The following TRDN variants were observed in gnomAD, a reference collection of about 807,000 sequenced individuals.
TRDN encodes triadin in skeletal muscle.
A neutral mutation model predicts 149.7 loss-of-function variants in TRDN; 161 were observed. The observed-to-expected ratio is 1.08, with a 90% CI of 0.95 to 1.23. The LOEUF (loss-of-function observed/expected upper bound fraction) is 1.23. Ranked by LOEUF, TRDN falls within the 50% of genes most tolerant of loss-of-function variation. TRDN has a pLI of 0.00. For synonymous variants in TRDN, 294 were observed against 250.5 expected, an observed-to-expected ratio of 1.17 and a Z score of -1.64; for missense variants, 896 against 823.5, an observed-to-expected ratio of 1.09 and a Z score of -1.08.
intron 38 of TRDN, among the ~76,000 whole-genome samples, chr6:123,233,932 C>T (rs1470790572): frequency 1.3e-5 from 2 of 151,928 alleles, no homozygotes; most frequent in African/African-American, 4.8e-5. Flanking sequence ...CTTATAGTTA[C>T]CAATTAATAA....
chr6:123,631,215 T>G (rs1386468567), intron 1 of TRDN, among the ~76,000 whole-genome samples: 1 of 151,892 alleles, frequency 6.6e-6, no homozygotes, highest in Non-Finnish European at 1.5e-5. Context: ...ATACCTGCCT[T>G]TCACAGTTTT....
At chr6:123,509,246 T>C (rs1779061612) in intron 7 of TRDN, among the ~76,000 whole-genome samples, 1 of 152,006 alleles carries the variant, frequency 6.6e-6, no homozygotes. Context: ...AAAGTATTTA[T>C]GGCAAGCAGA....
At chr6:123,386,304 T>C (rs1347848827) in intron 14 of TRDN, among the ~76,000 whole-genome samples, 2 of 152,006 alleles carry the variant, frequency 1.3e-5, no homozygotes, top group African/African-American at 4.8e-5. Context: ...GACAGGAAAA[T>C]GTATGAATGT....
chr6:123,506,360 G>A (rs186801186), intron 7 of TRDN, among the ~76,000 whole-genome samples: 1 of 152,014 alleles, frequency 6.6e-6, no homozygotes, highest in Admixed American at 6.5e-5. Context: ...TCCTCTACTG[G>A]ACTGCTTTCT....
intron 38 of TRDN, among the ~76,000 whole-genome samples, chr6:123,230,977 T>A (rs924052177): frequency 2.0e-5 from 3 of 152,006 alleles, no homozygotes; most frequent in Non-Finnish European, 4.4e-5. Flanking sequence ...AATACCCTTA[T>A]GAATTATGGG....
intron 29 of TRDN, among the ~76,000 whole-genome samples, chr6:123,271,437 T>C (rs1456125498): frequency 1.3e-5 from 2 of 151,940 alleles, no homozygotes; most frequent in Non-Finnish European, 2.9e-5. Context: ...AACATGCCAA[T>C]ATGAGCCCTA....
intron 38 of TRDN, among the ~76,000 whole-genome samples, chr6:123,224,736 T>C (rs4243489): frequency 0.48 from 72,472 of 151,510 alleles, 17,621 homozygotes; most frequent in Admixed American, 0.57. Flanking sequence ...ACCTTTATCT[T>C]CCACCACCCC....
At chr6:123,332,355 G>A (rs1779692066) in intron 22 of TRDN, among the ~76,000 whole-genome samples, 1 of 151,976 alleles carries the variant, frequency 6.6e-6, no homozygotes, top group African/African-American at 2.4e-5. Flanking sequence ...CACATATCAT[G>A]TATGTAGCGG....
At chr6:123,404,986 G>T (rs1773136702) in intron 12 of TRDN, among the ~76,000 whole-genome samples, 1 of 152,120 alleles carries the variant, frequency 6.6e-6, no homozygotes, top group African/African-American at 2.4e-5. Context: ...TATTTAGCTG[G>T]CAGCCTAGTG....
intron 12 of TRDN, among the ~76,000 whole-genome samples, chr6:123,415,164 A>G (rs1390376903): frequency 6.6e-6 from 1 of 152,218 alleles, no homozygotes. Context: ...CAAATAAGGA[A>G]TTCAACTAAA....
chr6:123,517,827 C>T (rs1442662093), intron 5 of TRDN, among the ~76,000 whole-genome samples: 1 of 152,062 alleles, frequency 6.6e-6, no homozygotes, highest in Non-Finnish European at 1.5e-5. Context: ...TCTATTTATT[C>T]CATTCACCAA....
At chr6:123,403,047 A>G (rs550658389) in intron 12 of TRDN, among the ~76,000 whole-genome samples, 2 of 152,342 alleles carry the variant, frequency 1.3e-5, no homozygotes, top group Non-Finnish European at 1.5e-5. Context: ...AGTCATGCAC[A>G]TCGAAGTGTA....
At chr6:123,590,216 G>A (rs192608581) in intron 1 of TRDN, among the ~76,000 whole-genome samples, 11 of 152,194 alleles carry the variant, frequency 7.2e-5, no homozygotes, top group South Asian at 4.1e-4. Flanking sequence ...TTGCATTACC[G>A]CCTGAGCTCC....
Position 123,333,754 on chromosome 6 carries a change from G to C in TRDN, c.1421-1825C>G, listed in dbSNP as rs1038540267. Among the ~76,000 whole-genome samples, 5 of 152,184 alleles carry C rather than the reference G, an allele frequency of 3.3e-5. No individual in the cohort carries two copies. In the East Asian group the frequency reaches 9.7e-4, roughly 29 times the overall value. The stretch of plus-strand genomic sequence containing the variant: ...GGAAGGAGAGATACATCAGTGGTTT[G>C]AGTCAACTCTTATGACACTTTTCAG... On this transcript the variant is annotated intron_variant, in intron 22 of 40. Transcript: ENST00000334268.
At chr6:123,484,810 T>C (rs942120751) in intron 9 of TRDN, among the ~76,000 whole-genome samples, 1 of 152,224 alleles carries the variant, frequency 6.6e-6, no homozygotes, top group Non-Finnish European at 1.5e-5. Flanking sequence ...AGCCTTCATT[T>C]TGTTTTCTTT....
intron 9 of TRDN, among the ~76,000 whole-genome samples, chr6:123,472,982 C>A (rs982887528): frequency 9.2e-5 from 14 of 152,250 alleles, no homozygotes; most frequent in South Asian, 8.3e-4. Context: ...GATAAAACCA[C>A]AAAGATGGGG....
At position 123,267,746 on chromosome 6, in the gene TRDN, C is replaced by A. The variant is rs867325945; in HGVS notation, c.1744G>T (p.Ala582Ser). ...GGAGGTTCTCTTTCTCGATGTTCAG[C>A]TTTTTCTAGAGAAAGAAATCAAAAT... ...KTAKPKPTKK[A>S]EHREREPPSI... The change falls in exon 32 of 41, where the codon GCT (alanine) becomes TCT (serine). Residue 582 changes from alanine to serine, a missense_variant. Ala to Ser is a moderately conservative substitution (Grantham distance 99). Transcript: ENST00000334268. The A allele has an allele frequency of 6.4e-7, 1 of 1,570,072 alleles. No individual in the cohort carries two copies. Among genetic ancestry groups the A allele is most frequent in the Non-Finnish European group, 8.6e-7 (1 of 1,157,924 alleles).
intron 5 of TRDN, among the ~76,000 whole-genome samples, chr6:123,516,642 G>A (rs532470371): frequency 1.2e-3 from 175 of 152,062 alleles, no homozygotes; most frequent in African/African-American, 4.0e-3. Context: ...TGTGTTAATC[G>A]TCTACAGAAA....
intron 38 of TRDN, among the ~76,000 whole-genome samples, chr6:123,233,154 G>T (rs766408108): frequency 6.6e-6 from 1 of 152,116 alleles, no homozygotes; most frequent in East Asian, 1.9e-4. Flanking sequence ...GTGTGTAACC[G>T]GTTTAACAGA....
Sources: gnomAD v4.1 joint callset for allele counts (sites outside exome capture counted in the v4.1 genomes callset) on GRCh38, gnomAD v4.1.1 for gene constraint, MANE v1.5 for transcripts, NCBI Gene and HGNC (gene_info 2026-07-23, HGNC 2026-07-21) for gene names.